MAP6D1: variants seen among roughly 807,000 people sequenced by gnomAD.
MAP6D1 encodes the protein MAP6 domain-containing protein 1.
In MAP6D1, 13 loss-of-function variants were observed where a neutral mutation model predicts 17.4. The ratio of observed to expected loss-of-function variants is 0.75; its 90% confidence interval spans 0.49 to 1.19. MAP6D1 has a LOEUF of 1.19. MAP6D1 is among the 50% of genes most tolerant of loss of function. The pLI is 0.00. For synonymous variants in MAP6D1, 141 were observed against 145.7 expected (o/e 0.97, Z 0.23); for missense variants, 313 against 312.6 (o/e 1.00, Z -0.01).
chr3:183,824,260 C>T (rs923273912), intron 1 of MAP6D1, among the ~76,000 whole-genome samples: 1 of 152,170 alleles, frequency 6.6e-6, no homozygotes, highest in Non-Finnish European at 1.5e-5. Flanking sequence ...AATAGTCCCA[C>T]ATTAGAAACA....
chr3:183,821,738 A>G (rs1179158782), intron 1 of MAP6D1, among the ~76,000 whole-genome samples: 1 of 151,666 alleles, frequency 6.6e-6, no homozygotes, highest in Non-Finnish European at 1.5e-5. Context: ...GGGTTTCACT[A>G]TGTTGGCCAG....
intron 1 of MAP6D1, chr3:183,820,038 G>A (rs1423628513): frequency 6.6e-6 from 1 of 152,416 alleles, no homozygotes; most frequent in Non-Finnish European, 1.5e-5. Flanking sequence ...AAGGAGCCAG[G>A]CTGGATGTGG....
intron 1 of MAP6D1, among the ~76,000 whole-genome samples, chr3:183,822,671 T>C (rs572618885): frequency 2.7e-4 from 41 of 152,188 alleles, no homozygotes; most frequent in Non-Finnish European, 5.0e-4. Flanking sequence ...GGTTGCAGGG[T>C]GGGTCTTGCA....
At position 183,817,238 on chromosome 3, in the gene MAP6D1, G is replaced by C; in HGVS notation, c.*118C>G. On this transcript the variant is annotated 3_prime_UTR_variant, in exon 3 of 3. Coordinates refer to ENST00000318631, the MANE Select transcript of MAP6D1 (RefSeq NM_024871.4). Reference sequence around the variant, plus strand: ...TTGGCCCTGGTGACAGCTTTGAGAGGGGCTGTGCCCTCCCGCAGGGGCCCA... The same window carrying C: ...TTGGCCCTGGTGACAGCTTTGAGAGCGGCTGTGCCCTCCCGCAGGGGCCCA... The C allele has an allele frequency of 2.0e-6, 2 of 1,012,440 alleles. No individual in the cohort carries two copies. Among genetic ancestry groups the C allele is most frequent in the Non-Finnish European group, 3.0e-6 (2 of 668,808 alleles). 62.7% of individuals were successfully genotyped at this position (1,012,440 alleles called of 1,614,324 possible).
chr3:183,823,916 C>T (rs1467102275), intron 1 of MAP6D1, among the ~76,000 whole-genome samples: 1 of 152,254 alleles, frequency 6.6e-6, no homozygotes, highest in South Asian at 2.1e-4. Context: ...CTCTCCCTAA[C>T]GGTACCATCT....
At chr3:183,824,636 G>A (rs887300084) in intron 1 of MAP6D1, among the ~76,000 whole-genome samples, 1 of 152,258 alleles carries the variant, frequency 6.6e-6, no homozygotes, top group Non-Finnish European at 1.5e-5. Context: ...TGGGCTGGGA[G>A]GTGGGGAGGG....
chr3:183,818,960 G>C (rs969674411), intron 1 of MAP6D1, among the ~76,000 whole-genome samples: 1 of 152,224 alleles, frequency 6.6e-6, no homozygotes, highest in East Asian at 1.9e-4. Flanking sequence ...CTGAACAAAA[G>C]GGACCTCCTT....
Position 183,825,497 on chromosome 3 carries a change from G to A in MAP6D1, c.51C>T (p.Asn17=), listed in dbSNP as rs1212122891. The change falls in exon 1 of 3, where the codon AAC becomes AAT. Residue 17 remains asparagine, a synonymous_variant. Coordinates refer to ENST00000318631, the MANE Select transcript of MAP6D1 (RefSeq NM_024871.4). ...CCGCCACGTCGGAGCGGTCCAGCTG[G>A]TTCCAGCGCCGCGCCAGGCAGCACA... ...SRLCCLARRW[N]QLDRSDVAVP... 1 of 1,417,448 alleles carries A rather than the reference G, an allele frequency of 7.1e-7. No individual in the cohort carries two copies. Among genetic ancestry groups the A allele is most frequent in the South Asian group, 1.4e-5 (1 of 69,844 alleles). The allele number at this position is 1,417,448 out of a possible 1,614,324, so 87.8% of individuals were successfully genotyped here. A position where few individuals can be genotyped will look rare whatever the true frequency, so the allele number is the denominator to read the frequency against.
intron 1 of MAP6D1, chr3:183,820,215 T>C (rs139031902): frequency 1.3e-4 from 20 of 152,438 alleles, no homozygotes; most frequent in African/African-American, 4.8e-4. Flanking sequence ...TCTTCAGGAT[T>C]CCTGGCTCTG....
At position 183,817,124 on chromosome 3, in the gene MAP6D1, C is replaced by T. The variant is rs954245531; in HGVS notation, c.*232G>A. ...ACGGCCAGATGGCAGTTAACGAACG[C>T]AGGAGCCTTCCACAGGCTTCTCAAG... is the stretch of plus-strand genomic sequence containing the variant. On this transcript the variant is annotated 3_prime_UTR_variant, in exon 3 of 3. Transcript: ENST00000318631. 31 of 530,276 alleles carry T rather than the reference C, an allele frequency of 5.8e-5. 1 individual carries two copies. Among genetic ancestry groups the T allele is most frequent in the Non-Finnish European group, 9.5e-5 (28 of 294,092 alleles). The allele number at this position is 530,276 out of a possible 1,614,324, so 32.8% of individuals were successfully genotyped here. A position where few individuals can be genotyped will look rare whatever the true frequency, so the allele number is the denominator to read the frequency against.
At chr3:183,817,883 G>T in intron 2 of MAP6D1, 111 bp downstream of exon 2, 1 of 861,276 alleles carries the variant, frequency 1.2e-6, no homozygotes. Flanking sequence ...GGTTGGCACT[G>T]CTGTCCCTGG....
chr3:183,822,240 AACACACACACACACACACAC>A (rs60341893), intron 1 of MAP6D1, among the ~76,000 whole-genome samples: 114 of 138,672 alleles, frequency 8.2e-4, no homozygotes, highest in African/African-American at 1.5e-3. Context: ...CCATCTCTAA[AACACACACACACACACACAC>A]ACACACACAC....
intron 1 of MAP6D1, among the ~76,000 whole-genome samples, chr3:183,820,848 A>G (rs912677248): frequency 5.3e-5 from 8 of 152,104 alleles, no homozygotes; most frequent in African/African-American, 1.9e-4. Context: ...CGGAGGTTGC[A>G]GTGAGCCAAG....
rs909067077 is a variant in MAP6D1, at chr3:183,817,008, C to T, written c.*348G>A. The T allele has an allele frequency of 3.0e-5, 9 of 299,634 alleles. No homozygotes were observed. Among genetic ancestry groups the T allele is most frequent in the Admixed American group, 9.8e-5 (2 of 20,498 alleles). The allele number at this position is 299,634 out of a possible 1,614,324, so 18.6% of individuals were successfully genotyped here. A position where few individuals can be genotyped will look rare whatever the true frequency, so the allele number is the denominator to read the frequency against. Reference sequence around the variant, plus strand: ...GGACATAACTGGTTCTTTCAAGGGCCGGATGTGTCCACATTCCTCAGCTTC... The same window carrying T: ...GGACATAACTGGTTCTTTCAAGGGCTGGATGTGTCCACATTCCTCAGCTTC... On this transcript the variant is annotated 3_prime_UTR_variant, in exon 3 of 3. Coordinates refer to ENST00000318631, the MANE Select transcript of MAP6D1 (RefSeq NM_024871.4).
In MAP6D1 at chr3:183,817,314, A is replaced by G. The variant is rs576872315; in HGVS notation, c.*42T>C. 4.3e-5 allele frequency: 67 copies of G among 1,543,114 alleles called. No individual in the cohort carries two copies. In the South Asian group the frequency reaches 7.5e-4, roughly 17 times the overall value. ...GCAGTGGGTCCTGAGGCCGCTCCCC[A>G]GCCCTGTCCTGTCGGCAGCCATGGT... On this transcript the variant is annotated 3_prime_UTR_variant, in exon 3 of 3. Transcript: ENST00000318631.
At position 183,825,486 on chromosome 3, in the gene MAP6D1, C is replaced by T. The variant is rs1360212745; in HGVS notation, c.62G>A (p.Arg21His). ...AGTGAGCGGCACCGCCACGTCGGAG[C>T]GGTCCAGCTGGTTCCAGCGCCGCGC... Reference protein sequence around the residue: ...CLARRWNQLDRSDVAVPLTLH... With the variant: ...CLARRWNQLDHSDVAVPLTLH... The change falls in exon 1 of 3, where the codon CGC (arginine) becomes CAC (histidine). Residue 21 changes from arginine to histidine, a missense_variant. Physicochemically the swap from Arg to His is conservative, Grantham distance 29 (BLOSUM62 0). Coordinates refer to ENST00000318631, the MANE Select transcript of MAP6D1 (RefSeq NM_024871.4). The T allele has an allele frequency of 7.0e-7, 1 of 1,427,126 alleles. No individual in the cohort carries two copies. The highest frequency in any genetic ancestry group is 1.4e-5 in the South Asian group (1 of 71,546). 88.4% of individuals were successfully genotyped at this position (1,427,126 alleles called of 1,614,324 possible).
Position 183,825,228 on chromosome 3 carries a change from G to C in MAP6D1, c.320C>G (p.Pro107Arg), listed in dbSNP as rs752878396. ...RGKSSAQSSA[P>R]PAPGARGVYV... is the part of the protein sequence containing the mutation. ...GACCCCGCGGGCGCCGGGCGCAGGT[G>C]GCGCGGAGGACTGCGCGGAGGATTT... The change falls in exon 1 of 3, where the codon CCA becomes CGA. Residue 107 changes from proline (P) to arginine (R), a missense_variant. Physicochemically the swap from Pro to Arg is moderately radical, Grantham distance 103 (BLOSUM62 -2). Transcript: ENST00000318631. 2.1e-6 allele frequency: 3 copies of C among 1,422,410 alleles called. No homozygotes were observed. Among genetic ancestry groups the C allele is most frequent in the Non-Finnish European group, 2.8e-6 (3 of 1,087,292 alleles). 88.1% of individuals were successfully genotyped at this position (1,422,410 alleles called of 1,614,324 possible).
At chr3:183,822,740 A>G (rs1488469516) in intron 1 of MAP6D1, among the ~76,000 whole-genome samples, 1 of 152,240 alleles carries the variant, frequency 6.6e-6, no homozygotes, top group Non-Finnish European at 1.5e-5. Flanking sequence ...ACTGAGCCGC[A>G]GCGCTCAGGC....
Position 183,816,808 on chromosome 3 carries a change from G to T in MAP6D1, c.*548C>A, listed in dbSNP as rs1727120530. 1 of 154,844 alleles carries T rather than the reference G, an allele frequency of 6.5e-6. No individual in the cohort carries two copies. The highest frequency in any genetic ancestry group is 2.4e-5 in the African/African-American group (1 of 41,458). The allele number at this position is 154,844 out of a possible 1,614,324, so 9.6% of individuals were successfully genotyped here. A position where few individuals can be genotyped will look rare whatever the true frequency, so the allele number is the denominator to read the frequency against. On this transcript the variant is annotated 3_prime_UTR_variant, in exon 3 of 3. Coordinates refer to ENST00000318631, the MANE Select transcript of MAP6D1 (RefSeq NM_024871.4). ...AGTGGAAGCCCGTGACTGACGGTCT[G>T]TTTCTTCTGGAAATTTCCTCCTGGA... is the stretch of plus-strand genomic sequence containing the variant.
Sources: allele counts gnomAD v4.1 joint callset (sites outside exome capture counted in the v4.1 genomes callset), GRCh38; gene constraint gnomAD v4.1.1; transcripts MANE v1.5; gene names NCBI Gene and HGNC (gene_info 2026-07-23, HGNC 2026-07-21).